CPB2: variants seen among roughly 807,000 people sequenced by gnomAD.
CPB2 encodes carboxypeptidase B-like protein.
A neutral mutation model predicts 57.0 loss-of-function variants in CPB2; 54 were observed. The ratio of observed to expected loss-of-function variants is 0.95; its 90% CI spans 0.76 to 1.19. The LOEUF is 1.19. Ranked by LOEUF, CPB2 falls within the 50% of genes most tolerant of loss-of-function variation. The pLI, the probability that CPB2 is intolerant of heterozygous loss-of-function variation, is 0.00. For synonymous variants in CPB2, 189 were observed against 178.1 expected, an observed-to-expected ratio of 1.06 and a Z score of -0.49; for missense variants, 426 against 512.0, an observed-to-expected ratio of 0.83 and a Z score of 1.62.
intron 2 of CPB2, among the ~76,000 whole-genome samples, chr13:46,084,859 T>A (rs1566411959): frequency 6.6e-6 from 1 of 150,814 alleles, no homozygotes; most frequent in Non-Finnish European, 1.5e-5. Flanking sequence ...TTTTATTTTT[T>A]ATTTTTTTTT....
intron 7 of CPB2, 147 bp from the exon 8 acceptor site, chr13:46,064,888 G>A: frequency 7.7e-6 from 5 of 652,530 alleles, no homozygotes; most frequent in Non-Finnish European, 1.4e-5. Flanking sequence ...CACTGTTGTT[G>A]CAATATTCCT....
chr13:46,079,535 C>CAAAAAAAAAAAAAAAAAAGAAAAAAAA (rs2045075733), intron 4 of CPB2, among the ~76,000 whole-genome samples: 2 of 111,010 alleles, frequency 1.8e-5, no homozygotes, highest in African/African-American at 3.4e-5. Context: ...AAGGAAAAAG[C>CAAAAAAAAAAAAAAAAAAGAAAAAAAA]AAAAAAAAAA....
At chr13:46,076,193 G>T (rs537355006) in intron 5 of CPB2, among the ~76,000 whole-genome samples, 1 of 151,986 alleles carries the variant, frequency 6.6e-6, no homozygotes, top group Non-Finnish European at 1.5e-5. Context: ...AAATTGGAAG[G>T]GAAAAATCAA....
intron 1 of CPB2, among the ~76,000 whole-genome samples, chr13:46,094,281 G>A (rs967945395): frequency 6.6e-6 from 1 of 152,120 alleles, no homozygotes; most frequent in East Asian, 1.9e-4. Context: ...GATGGTGCAG[G>A]CCATGCTTTC....
intron 2 of CPB2, among the ~76,000 whole-genome samples, chr13:46,085,598 C>T (rs1223146231): frequency 2.6e-5 from 4 of 152,158 alleles, no homozygotes; most frequent in Non-Finnish European, 5.9e-5. Context: ...AACAAAATTC[C>T]CCTTTCTGCA....
intron 4 of CPB2, among the ~76,000 whole-genome samples, chr13:46,079,658 TTA>T (rs2045082211): frequency 6.6e-6 from 1 of 152,092 alleles, no homozygotes; most frequent in African/African-American, 2.4e-5. Context: ...TTGAACTGGG[TTA>T]TGTTTTAATT....
intron 6 of CPB2, among the ~76,000 whole-genome samples, chr13:46,068,031 A>G (rs970428080): frequency 6.6e-6 from 1 of 152,228 alleles, no homozygotes; most frequent in Non-Finnish European, 1.5e-5. Flanking sequence ...GTGTGATCCA[A>G]TGGCATCCAA....
chr13:46,092,675 G>T (rs1474964764), intron 1 of CPB2, among the ~76,000 whole-genome samples: 1 of 152,040 alleles, frequency 6.6e-6, no homozygotes, highest in Non-Finnish European at 1.5e-5. Flanking sequence ...GGGCATTTTT[G>T]GAAAAATGGC....
intron 1 of CPB2, chr13:46,099,197 T>C (rs1022975506): frequency 1.3e-5 from 2 of 152,158 alleles, no homozygotes; most frequent in East Asian, 3.9e-4. Flanking sequence ...GGTGCACAAG[T>C]AGAAAAGTAA....
chr13:46,072,490 G>T (rs535857070), intron 6 of CPB2, among the ~76,000 whole-genome samples: 10 of 152,270 alleles, frequency 6.6e-5, no homozygotes, highest in Admixed American at 2.0e-4. Flanking sequence ...GGTTCACATT[G>T]TTGGAGCAAA....
intron 1 of CPB2, chr13:46,097,038 G>T (rs923667227): frequency 6.6e-6 from 1 of 152,194 alleles, no homozygotes; most frequent in Non-Finnish European, 1.5e-5. Flanking sequence ...GGAGAAAGGG[G>T]GATGTGAATG....
intron 2 of CPB2, 123 bp from the exon 3 acceptor site, chr13:46,084,466 G>C: frequency 2.1e-6 from 2 of 972,130 alleles, no homozygotes; most frequent in Non-Finnish European, 3.0e-6. Context: ...CCTGGTGCTG[G>C]TCCCCATCCA....
intron 3 of CPB2, among the ~76,000 whole-genome samples, chr13:46,083,146 G>A (rs556744104): frequency 1.4e-4 from 21 of 152,054 alleles, no homozygotes; most frequent in Non-Finnish European, 2.8e-4. Context: ...AGATGGACAA[G>A]TTGAAAGTTA....
chr13:46,053,444 T>G lies in CPB2; in HGVS notation c.*170A>C. The G allele has an allele frequency of 1.1e-6, 1 of 952,024 alleles. No individual in the cohort carries two copies. The highest frequency in any genetic ancestry group is 1.5e-6 in the Non-Finnish European group (1 of 681,930). The allele number at this position is 952,024 out of a possible 1,614,324, so 59.0% of individuals were successfully genotyped here. ...AAGGGTAAAAAGACATGAACCCTAG[T>G]CTGCCTTAATGGCAAAGTAGCACTT... On this transcript the variant is annotated 3_prime_UTR_variant, in exon 11 of 11. Coordinates refer to ENST00000181383, the MANE Select transcript of CPB2 (RefSeq NM_001872.5).
chr13:46,055,931 C>A, intron 9 of CPB2, 82 bp from the exon 10 acceptor site: 2 of 767,792 alleles, frequency 2.6e-6, no homozygotes, highest in Non-Finnish European at 4.2e-6. Context: ...AATAATCATA[C>A]ATTAATTGAA....
chr13:46,080,801 T>C (rs1193818360), intron 4 of CPB2, among the ~76,000 whole-genome samples: 5 of 151,938 alleles, frequency 3.3e-5, no homozygotes, highest in African/African-American at 1.2e-4. Flanking sequence ...TGAAATCCCA[T>C]CTCTACTAAA....
In CPB2 at chr13:46,083,212, G is replaced by A. The variant is rs551889159; in HGVS notation, c.276-663C>T. Reference sequence around the variant, plus strand: ...TTATTTAGGCCAATAAATAAAAGCCGCAGTGTTGACATCAGAAAGGTCTAA... The same window carrying A: ...TTATTTAGGCCAATAAATAAAAGCCACAGTGTTGACATCAGAAAGGTCTAA... On this transcript the variant is annotated intron_variant, in intron 3 of 10. Coordinates refer to ENST00000181383, the MANE Select transcript of CPB2 (RefSeq NM_001872.5). 3.3e-5 allele frequency among the ~76,000 whole-genome samples: 5 copies of A among 152,156 alleles called. 1 individual carries two copies. The South Asian group carries it at 8.3e-4, about 25-fold the overall frequency.
intron 9 of CPB2, among the ~76,000 whole-genome samples, chr13:46,056,670 T>C (rs1054669850): frequency 6.6e-6 from 1 of 152,226 alleles, no homozygotes; most frequent in African/African-American, 2.4e-5. Context: ...TTTCTGATGC[T>C]ATCACCCTCC....
intron 2 of CPB2, among the ~76,000 whole-genome samples, chr13:46,084,906 A>C (rs544677291): frequency 1.1e-4 from 16 of 150,772 alleles, no homozygotes; most frequent in Non-Finnish European, 1.6e-4. Context: ...GCTGGAGTGC[A>C]GTGGCGCGAT....
Sources: allele counts gnomAD v4.1 joint callset (sites outside exome capture counted in the v4.1 genomes callset), GRCh38; gene constraint gnomAD v4.1.1; transcripts MANE v1.5; gene names NCBI Gene and HGNC (gene_info 2026-07-23, HGNC 2026-07-21).